The following MGAM variants were observed in gnomAD, a reference collection of about 807,000 sequenced individuals.
MGAM encodes the protein alpha-1,4-glucosidase.
MGAM carries 253 observed loss-of-function variants against 358.8 expected under a neutral mutation model. The ratio of observed to expected loss-of-function variants is 0.71; its 90% CI spans 0.64 to 0.78. The LOEUF is 0.78. Ranked by LOEUF, MGAM falls within the 30% of genes least tolerant of loss-of-function variation. The probability of loss-of-function intolerance (pLI) is 0.00; values close to 1 mark genes in which losing one functional copy is unlikely to be tolerated. For missense variants in MGAM, 3,080 were observed against 3,432.6 expected (o/e 0.90, Z 2.57); for synonymous variants, 1,105 against 1,227.1 (o/e 0.90, Z 2.08).
rs1813298994 is a variant in MGAM at position 142,070,994 on chromosome 7, G to A, written c.5062G>A (p.Gly1688Ser). Residue 1688 changes from glycine (G) to serine (S), a missense_variant and splice_region_variant, in exon 44 of 71, where the codon GGT becomes AGT. Coordinates refer to ENST00000475668, the MANE Select transcript of MGAM (RefSeq NM_001365693.1). The part of the protein sequence containing the change: ...PRARWYDYYT[G>S]VDINARGEWK... ...ATCTTTTACCTTCTTCTGCCCCCAG[G>A]GTGTGGATATTAATGCAAGAGGAGA... The A allele has an allele frequency of 6.4e-7, 1 of 1,555,746 alleles. No individual in the cohort carries two copies. The highest frequency in any genetic ancestry group is 1.7e-5 in the Admixed American group (1 of 58,388).
intron 21 of MGAM, 28 bp from the exon 22 acceptor site, chr7:142,047,757 T>C: frequency 6.3e-7 from 1 of 1,590,048 alleles, no homozygotes; most frequent in Non-Finnish European, 8.6e-7. Context: ...GACTCCTGTC[T>C]TTGTGTCTTG....
rs1406276952 is a variant in MGAM at position 142,034,748 on chromosome 7, A to G, written c.1866A>G (p.Ala622=). The part of the protein sequence containing the change: ...RSTFAGSGKF[A]AHWLGDNTAT... ...CCTTTGCGGGCTCTGGCAAGTTTGC[A>G]GCACATTGGTTAGGAGACAACACTG... The change falls in exon 16 of 71, where the codon GCA becomes GCG. Residue 622 remains alanine, a synonymous_variant. Coordinates refer to ENST00000475668, the MANE Select transcript of MGAM (RefSeq NM_001365693.1). The G allele has an allele frequency of 1.9e-6, 3 of 1,613,476 alleles. No homozygotes were observed. The highest frequency in any genetic ancestry group is 2.2e-5 in the East Asian group (1 of 44,852).
chr7:142,030,996 A>C lies in MGAM; in HGVS notation c.1470+239A>C, dbSNP rs142982897. On this transcript the variant is annotated intron_variant, in intron 12 of 70. Transcript: ENST00000475668. Reference sequence around the variant, plus strand: ...CCTTTAAACAACAGCTCACACACTGAGTGTCCACTTTCTCACCTCCCACAC... The same window carrying C: ...CCTTTAAACAACAGCTCACACACTGCGTGTCCACTTTCTCACCTCCCACAC... Among the ~76,000 whole-genome samples, 546 of 152,204 alleles carry C rather than the reference A, an allele frequency of 3.6e-3. 6 individuals carry two copies. Among genetic ancestry groups the C allele is most frequent in the South Asian group, 0.023 (112 of 4,820 alleles).
At chr7:142,054,373 T>G (rs1195739745) in intron 26 of MGAM, among the ~76,000 whole-genome samples, 3 of 152,230 alleles carry the variant, frequency 2.0e-5, no homozygotes, top group Admixed American at 2.0e-4. Flanking sequence ...TCTGATTATT[T>G]TAATCAAATA....
intron 63 of MGAM, 46 bp from the exon 64 acceptor site, chr7:142,095,519 A>G: frequency 6.2e-7 from 1 of 1,610,956 alleles, no homozygotes; most frequent in Non-Finnish European, 8.5e-7. Context: ...TAAATCCCCT[A>G]GAAATTCCAG....
upstream of MGAM, among the ~76,000 whole-genome samples, chr7:141,993,848 C>T (rs1244741940): frequency 2.0e-5 from 3 of 152,138 alleles, no homozygotes; most frequent in South Asian, 2.1e-4. Context: ...TTAGACATAT[C>T]GCTTTATTGT....
intron 44 of MGAM, among the ~76,000 whole-genome samples, chr7:142,072,280 C>T (rs1227548579): frequency 2.1e-5 from 3 of 145,952 alleles, no homozygotes; most frequent in South Asian, 2.2e-4. Flanking sequence ...AAAAAACTGG[C>T]GATTTCCCAA....
chr7:142,034,952 T>A, intron 16 of MGAM, 111 bp downstream of exon 16: 2 of 1,049,158 alleles, frequency 1.9e-6, no homozygotes, highest in Non-Finnish European at 2.7e-6. Flanking sequence ...GCTGGGGATT[T>A]AATATCTTGA....
At chr7:142,058,131 C>G (rs1326083039) in intron 30 of MGAM, 72 bp from the exon 31 acceptor site, 101 of 1,601,514 alleles carry the variant, frequency 6.3e-5, no homozygotes, top group Non-Finnish European at 7.8e-5. Context: ...GAAAAATATT[C>G]TTATTACTTG....
rs1385884529 is a variant in MGAM at position 142,092,377 on chromosome 7, C to T, written c.6946-144C>T. On this transcript the variant is annotated intron_variant, in intron 58 of 70. Transcript: ENST00000475668. The stretch of plus-strand genomic sequence containing the variant: ...TGAATTCATCTTTCTAGCCAGTTCT[C>T]ACCAGGATTTGATGAAGCTCCCAGG... 3 of 914,740 alleles carry T rather than the reference C, an allele frequency of 3.3e-6. No homozygotes were observed. The African/African-American group carries it at 4.8e-5, about 15-fold the overall frequency. 56.7% of individuals were successfully genotyped at this position (914,740 alleles called of 1,614,324 possible).
At chr7:142,049,868 C>T (rs1311304685) in intron 22 of MGAM, among the ~76,000 whole-genome samples, 3 of 152,030 alleles carry the variant, frequency 2.0e-5, no homozygotes, top group Non-Finnish European at 4.4e-5. Flanking sequence ...TTGTTACAAC[C>T]GTTATGGAAA....
intron 1 of MGAM, among the ~76,000 whole-genome samples, chr7:142,000,866 G>A (rs1244999446): frequency 3.9e-5 from 6 of 152,194 alleles, no homozygotes; most frequent in African/African-American, 7.2e-5. Flanking sequence ...ACCAGCAGTC[G>A]GTGGGTGTTT....
In MGAM at chr7:142,071,928, G is replaced by C. The variant is rs1434194459; in HGVS notation, c.5186+810G>C. Reference sequence around the variant, plus strand: ...AGTATTAACCTATTTGTCTTTAATAGACTAGGAGTTCTTTGGAAGCCAGAA... The same window carrying C: ...AGTATTAACCTATTTGTCTTTAATACACTAGGAGTTCTTTGGAAGCCAGAA... On this transcript the variant is annotated intron_variant, in intron 44 of 70. Transcript: ENST00000475668. Among the ~76,000 whole-genome samples, 12 of 145,940 alleles carry C rather than the reference G, an allele frequency of 8.2e-5. 1 individual carries two copies. The highest frequency in any genetic ancestry group is 1.9e-4 in the Non-Finnish European group (12 of 64,486).
rs1251040839 is a variant in MGAM, at chr7:142,032,757, G to C, written c.1585-68G>C. 3 of 896,626 alleles carry C rather than the reference G, an allele frequency of 3.3e-6. No individual in the cohort carries two copies. The East Asian group carries it at 8.0e-5, about 24-fold the overall frequency. The allele number at this position is 896,626 out of a possible 1,614,324, so 55.5% of individuals were successfully genotyped here. Reference sequence around the variant, plus strand: ...TAATTTATCTGATTAATTAAAAAAAGACACCATCACGACATCATAAGATAA... The same window carrying C: ...TAATTTATCTGATTAATTAAAAAAACACACCATCACGACATCATAAGATAA... On this transcript the variant is annotated intron_variant, in intron 13 of 70. Transcript: ENST00000475668.
intron 6 of MGAM, among the ~76,000 whole-genome samples, 197 bp downstream of exon 6, chr7:142,021,934 TCTTTATTTTTCC>T (rs1442074785): frequency 4.6e-5 from 7 of 152,186 alleles, no homozygotes; most frequent in Admixed American, 2.0e-4. Flanking sequence ...CATTTTTTTC[TCTTTATTTTTCC>T]CTTTATTTCC....
chr7:142,041,830 A>T (rs1280992043), intron 21 of MGAM, among the ~76,000 whole-genome samples: 1 of 134,208 alleles, frequency 7.5e-6, no homozygotes, highest in Non-Finnish European at 1.5e-5. Context: ...CCAGCAGAGG[A>T]AGCACTGCCA....
At position 142,086,292 on chromosome 7, in the gene MGAM, C is replaced by T; in HGVS notation, c.6711C>T (p.Ile2237=). The T allele has an allele frequency of 1.3e-6, 2 of 1,541,134 alleles. No homozygotes were observed. The highest frequency in any genetic ancestry group is 1.8e-5 in the Admixed American group (1 of 56,792). ...GGGGCGTGGAGGATGACGTCTTCAT[C>T]AAGTACCCAAATGATGGAGACATTG... ...FTRGVEDDVF[I]KYPNDGDIVW... The change falls in exon 56 of 71, where the codon ATC becomes ATT. Residue 2237 remains isoleucine, a synonymous_variant. Coordinates refer to ENST00000475668, the MANE Select transcript of MGAM (RefSeq NM_001365693.1).
chr7:142,038,510 A>C (rs1482265512), intron 18 of MGAM, 21 bp from the exon 19 acceptor site: 1 of 1,582,644 alleles, frequency 6.3e-7, no homozygotes. Flanking sequence ...AATCTCAGTG[A>C]ACTGTCTCTC....
At chr7:142,018,582 C>CT (rs1178276891) in intron 3 of MGAM, among the ~76,000 whole-genome samples, 18 of 152,264 alleles carry the variant, frequency 1.2e-4, no homozygotes, top group African/African-American at 3.6e-4. Context: ...GAGAAAGAAA[C>CT]TATCTTCATT....
Sources: allele counts gnomAD v4.1 joint callset (sites outside exome capture counted in the v4.1 genomes callset), GRCh38; gene constraint gnomAD v4.1.1; transcripts MANE v1.5; gene names NCBI Gene and HGNC (gene_info 2026-07-23, HGNC 2026-07-21).